Variants in CHL1 observed in about 807,000 individuals in gnomAD.
CHL1 encodes the protein cell adhesion molecule L1 like, also known as neural cell adhesion molecule L1-like protein.
A neutral mutation model predicts 141.9 loss-of-function variants in CHL1; 96 were observed. The observed-to-expected ratio is 0.68, with a 90% CI of 0.57 to 0.80. The LOEUF (loss-of-function observed/expected upper bound fraction) is 0.80, where lower values mean the gene tolerates loss of function less well. Among genes scored for constraint, CHL1 ranks in the 30% least tolerant of loss-of-function variants. The probability of loss-of-function intolerance (pLI) is 0.00; values close to 1 mark genes in which losing one functional copy is unlikely to be tolerated. For synonymous variants in CHL1, 613 were observed against 502.2 expected, an observed-to-expected ratio of 1.22 and a Z score of -2.95; for missense variants, 1,820 against 1,457.2, an observed-to-expected ratio of 1.25 and a Z score of -4.05.
intron 5 of CHL1, among the ~76,000 whole-genome samples, chr3:328,821 T>C (rs922536095): frequency 1.3e-5 from 2 of 152,080 alleles, no homozygotes; most frequent in Non-Finnish European, 2.9e-5. Context: ...GCCATTTTGG[T>C]CAAAGAGTCT....
At chr3:388,004 G>A (rs749998288) in intron 19 of CHL1, among the ~76,000 whole-genome samples, 2 of 152,150 alleles carry the variant, frequency 1.3e-5, no homozygotes, top group African/African-American at 2.4e-5. Flanking sequence ...TACAGATTCT[G>A]TAAGAACACT....
intron 2 of CHL1, among the ~76,000 whole-genome samples, chr3:245,105 C>G (rs898506435): frequency 9.2e-5 from 14 of 152,140 alleles, no homozygotes; most frequent in Non-Finnish European, 2.1e-4. Flanking sequence ...AGGGGGTTAA[C>G]AGAGCTCACG....
At chr3:383,454 A>G (rs1347033059) in intron 18 of CHL1, among the ~76,000 whole-genome samples, 1 of 152,186 alleles carries the variant, frequency 6.6e-6, no homozygotes, top group Non-Finnish European at 1.5e-5. Context: ...TCTAATGACA[A>G]TTCTAATAGA....
At position 360,429 on chromosome 3, in the gene CHL1, G is replaced by C; in HGVS notation, c.1306+5G>C. ...ATGCCAATATTGATGTTGTGGGTGA[G>C]TGTGCCTGGGAGCTGACTTAACATG... On this transcript the variant is annotated splice_donor_5th_base_variant and intron_variant, in intron 12 of 27. Transcript: ENST00000256509. 1 of 1,612,960 alleles carries C rather than the reference G, an allele frequency of 6.2e-7. No individual in the cohort carries two copies. Among genetic ancestry groups the C allele is most frequent in the Non-Finnish European group, 8.5e-7 (1 of 1,179,480 alleles).
chr3:223,886 T>A (rs1197776112), intron 1 of CHL1, among the ~76,000 whole-genome samples: 1 of 152,142 alleles, frequency 6.6e-6, no homozygotes, highest in Non-Finnish European at 1.5e-5. Flanking sequence ...ACTTCTTGGG[T>A]GGGAGCTCCA....
chr3:327,466 A>G (rs574814670), intron 4 of CHL1, among the ~76,000 whole-genome samples: 1 of 152,074 alleles, frequency 6.6e-6, no homozygotes, highest in African/African-American at 2.4e-5. Flanking sequence ...ATCAAATACT[A>G]TAAAAAGTTT....
intron 8 of CHL1, among the ~76,000 whole-genome samples, chr3:344,315 G>C (rs1019218877): frequency 2.6e-5 from 4 of 152,096 alleles, no homozygotes; most frequent in Non-Finnish European, 5.9e-5. Context: ...ACTTCTGTTT[G>C]ACCTTCTGAG....
chr3:325,051 C>G (rs192269102), intron 3 of CHL1, among the ~76,000 whole-genome samples: 61 of 151,144 alleles, frequency 4.0e-4, no homozygotes, highest in Admixed American at 4.0e-3. Flanking sequence ...GTTAAATTCT[C>G]TAAGGAAACA....
At chr3:384,459 A>C (rs973643485) in intron 19 of CHL1, 1 of 152,182 alleles carries the variant, frequency 6.6e-6, no homozygotes, top group Non-Finnish European at 1.5e-5. Flanking sequence ...ATGTATGAGG[A>C]TCTTTGGACT....
intron 19 of CHL1, chr3:385,660 T>A (rs1316303465): frequency 6.6e-6 from 1 of 151,874 alleles, no homozygotes; most frequent in Non-Finnish European, 1.5e-5. Flanking sequence ...AAACTGCATC[T>A]CTACTAAAAA....
At chr3:390,873 AAAG>A in intron 21 of CHL1, 57 bp downstream of exon 21, 2 of 1,502,340 alleles carry the variant, frequency 1.3e-6, no homozygotes, top group Non-Finnish European at 1.9e-6. Flanking sequence ...TCCTGAGAAT[AAAG>A]AAGAATTGAT....
Position 382,581 on chromosome 3 carries a change from G to C in CHL1, c.2086G>C (p.Val696Leu). 6.2e-7 allele frequency: 1 copy of C among 1,613,950 alleles called. No homozygotes were observed. The highest frequency in any genetic ancestry group is 8.5e-7 in the Non-Finnish European group (1 of 1,179,912). The change falls in exon 18 of 28, where the codon GTG becomes CTG. Residue 696 changes from valine (V) to leucine (L), a missense_variant. By Grantham distance (32) the Val-to-Leu change is conservative. Transcript: ENST00000256509. ...TTVILPLAPF[V>L]RYQFRVIAVN... ...AGTTATCTTACCTTTGGCTCCATTT[G>C]TGAGATACCAGTTCAGGGTCATAGC...
chr3:236,192 T>A (rs1317613149), intron 1 of CHL1, among the ~76,000 whole-genome samples: 2 of 152,174 alleles, frequency 1.3e-5, no homozygotes, highest in African/African-American at 2.4e-5. Context: ...CCAGGAGCTT[T>A]GTCATATCCA....
At chr3:205,985 G>T (rs766604107) in intron 1 of CHL1, among the ~76,000 whole-genome samples, 1 of 152,136 alleles carries the variant, frequency 6.6e-6, no homozygotes, top group Non-Finnish European at 1.5e-5. Flanking sequence ...CCCCAGCAGT[G>T]CCCCCTCGAT....
intron 2 of CHL1, among the ~76,000 whole-genome samples, chr3:245,144 A>G (rs979532307): frequency 6.6e-6 from 1 of 152,176 alleles, no homozygotes; most frequent in Non-Finnish European, 1.5e-5. Flanking sequence ...TTACAGCTTC[A>G]GTCACTGTTC....
chr3:388,178 C>T (rs1052064078), intron 19 of CHL1, among the ~76,000 whole-genome samples: 1 of 152,216 alleles, frequency 6.6e-6, no homozygotes, highest in East Asian at 1.9e-4. Flanking sequence ...GCAGTTTAAA[C>T]CACATTATTG....
chr3:389,234 T>C lies in CHL1; in HGVS notation c.2248-18T>C. On this transcript the variant is annotated intron_variant, in intron 19 of 27. Transcript: ENST00000256509. ...CACATCTGTGATCAGACTAAATGAG[T>C]CTTGCCTTCTGTTTTAGCCTTTGAA... is the stretch of plus-strand genomic sequence containing the variant. The C allele has an allele frequency of 6.4e-7, 1 of 1,571,600 alleles. No homozygotes were observed.
chr3:313,134 C>G (rs1007106489), intron 2 of CHL1, among the ~76,000 whole-genome samples: 1 of 152,020 alleles, frequency 6.6e-6, no homozygotes, highest in Non-Finnish European at 1.5e-5. Context: ...GATGGACTGT[C>G]ACTGACATTT....
chr3:301,201 G>C (rs1039503211), intron 2 of CHL1, among the ~76,000 whole-genome samples: 13 of 152,242 alleles, frequency 8.5e-5, no homozygotes, highest in African/African-American at 2.9e-4. Flanking sequence ...CATTAGGAGG[G>C]AGCTGAACCT....
Sources: gnomAD v4.1 joint callset for allele counts (sites outside exome capture counted in the v4.1 genomes callset) on GRCh38, gnomAD v4.1.1 for gene constraint, MANE v1.5 for transcripts, NCBI Gene and HGNC (gene_info 2026-07-23, HGNC 2026-07-21) for gene names.